The following NNMT variants were observed in gnomAD, a reference collection of about 807,000 sequenced individuals.
NNMT encodes nicotinamide N-methyltransferase.
NNMT carries 10 observed loss-of-function variants against 11.7 expected under a neutral mutation model. The ratio of observed to expected loss-of-function variants is 0.85; its 90% CI spans 0.53 to 1.45. NNMT has a LOEUF of 1.45. Among genes scored for constraint, NNMT ranks in the 40% most tolerant of loss-of-function variants. The probability of loss-of-function intolerance (pLI) is 0.00; values close to 1 mark genes in which losing one functional copy is unlikely to be tolerated. For synonymous variants in NNMT, 143 were observed against 133.8 expected, an observed-to-expected ratio of 1.07 and a Z score of -0.48; for missense variants, 381 against 319.4, an observed-to-expected ratio of 1.19 and a Z score of -1.47.
At chr11:114,303,854 G>A (rs1218163514) in intron 2 of NNMT, among the ~76,000 whole-genome samples, 2 of 152,210 alleles carry the variant, frequency 1.3e-5, no homozygotes, top group Admixed American at 1.3e-4. Flanking sequence ...GGGACTACAG[G>A]TCCACACTGC....
At chr11:114,266,948 A>G (rs1945125039) in intron 2 of NNMT, among the ~76,000 whole-genome samples, 1 of 152,236 alleles carries the variant, frequency 6.6e-6, no homozygotes, top group Non-Finnish European at 1.5e-5. Flanking sequence ...AAGAGAAAAT[A>G]GACTGAGAAA....
intron 2 of NNMT, among the ~76,000 whole-genome samples, chr11:114,302,400 C>T (rs2135276569): frequency 6.6e-6 from 1 of 152,236 alleles, no homozygotes; most frequent in Admixed American, 6.5e-5. Context: ...GCATCCTTGA[C>T]ATATCTATTG....
At chr11:114,283,358 A>C (rs1272344894) in intron 2 of NNMT, among the ~76,000 whole-genome samples, 2 of 152,222 alleles carry the variant, frequency 1.3e-5, no homozygotes, top group Non-Finnish European at 2.9e-5. Context: ...ATACACACGT[A>C]ATGTGATAGG....
At chr11:114,307,393 G>C (rs1434047062) in intron 2 of NNMT, among the ~76,000 whole-genome samples, 2 of 152,022 alleles carry the variant, frequency 1.3e-5, no homozygotes, top group East Asian at 3.9e-4. Context: ...TTAACATCAA[G>C]CTCTGTCCAT....
rs145053757 is a variant in NNMT at position 114,275,811 on chromosome 11, T to C, written c.-130+12877T>C. On this transcript the variant is annotated intron_variant, in intron 2 of 4. Transcript: ENST00000535401. Reference sequence around the variant, plus strand: ...TCTGATATCCTGTGAGTTGTGTATATGTTAGGGGTAGGGTTACAGTTAAGA... The same window carrying C: ...TCTGATATCCTGTGAGTTGTGTATACGTTAGGGGTAGGGTTACAGTTAAGA... Among the ~76,000 whole-genome samples the C allele has an allele frequency of 3.5e-3, 540 of 152,202 alleles. 7 individuals are homozygous for C. The highest frequency in any genetic ancestry group is 0.012 in the African/African-American group (480 of 41,536).
chr11:114,259,610 C>T (rs1224726780), intron 1 of NNMT, among the ~76,000 whole-genome samples: 1 of 152,156 alleles, frequency 6.6e-6, no homozygotes, highest in East Asian at 1.9e-4. Context: ...CCAGCCCCGC[C>T]GCCATCCCCA....
intron 2 of NNMT, among the ~76,000 whole-genome samples, chr11:114,304,007 T>C (rs1273291193): frequency 1.3e-5 from 2 of 152,240 alleles, no homozygotes; most frequent in Non-Finnish European, 2.9e-5. Context: ...GGGGCTATAT[T>C]CTTCAATATA....
Position 114,312,562 on chromosome 11 carries a change from G to A in NNMT, c.*85G>A. On this transcript the variant is annotated 3_prime_UTR_variant, in exon 3 of 3. Coordinates refer to ENST00000299964, the MANE Select transcript of NNMT (RefSeq NM_006169.3). ...TTCTAACTGCCAAGTCATGTGCTGA[G>A]TAGAGGCTCAGTGGTTGGGGCCCAA... 7.3e-7 allele frequency: 1 copy of A among 1,371,144 alleles called. No individual in the cohort carries two copies. Among genetic ancestry groups the A allele is most frequent in the African/African-American group, 1.4e-5 (1 of 70,128 alleles). The allele number at this position is 1,371,144 out of a possible 1,614,324, so 84.9% of individuals were successfully genotyped here. A position where few individuals can be genotyped will look rare whatever the true frequency, so the allele number is the denominator to read the frequency against.
At chr11:114,295,517 C>T (rs1336262217), upstream of NNMT, among the ~76,000 whole-genome samples, 4 of 150,886 alleles carry the variant, frequency 2.7e-5, no homozygotes, top group Admixed American at 6.6e-5. Context: ...CTCCGCCCCC[C>T]GGGTTCATGC....
intron 2 of NNMT, among the ~76,000 whole-genome samples, chr11:114,311,812 T>A (rs920854121): frequency 6.6e-6 from 1 of 152,204 alleles, no homozygotes; most frequent in Non-Finnish European, 1.5e-5. Context: ...TAGGTATTAT[T>A]ATCGTTTTCA....
chr11:114,299,533 A>G (rs1290913256), intron 2 of NNMT, among the ~76,000 whole-genome samples: 2 of 152,232 alleles, frequency 1.3e-5, no homozygotes, highest in Non-Finnish European at 2.9e-5. Flanking sequence ...CTGGAGTCAT[A>G]AAATGAGTTG....
chr11:114,261,086 T>C (rs530246195), intron 1 of NNMT, among the ~76,000 whole-genome samples: 1 of 152,296 alleles, frequency 6.6e-6, no homozygotes, highest in South Asian at 2.1e-4. Context: ...CTCTGGCTGG[T>C]CTGGAAGGGG....
intron 2 of NNMT, among the ~76,000 whole-genome samples, chr11:114,288,981 G>A (rs1268931080): frequency 2.6e-5 from 4 of 152,106 alleles, no homozygotes; most frequent in African/African-American, 9.7e-5. Flanking sequence ...TATTCTCTGA[G>A]TTTGTGTAAG....
intron 2 of NNMT, among the ~76,000 whole-genome samples, chr11:114,284,942 G>A (rs1945287367): frequency 6.6e-6 from 1 of 151,696 alleles, no homozygotes; most frequent in African/African-American, 2.4e-5. Context: ...GCTAATTTTT[G>A]TATTTTCAGT....
rs148805764 is a variant in NNMT at position 114,312,231 on chromosome 11, C to T, written c.549C>T (p.Leu183=). 2.6e-5 allele frequency: 42 copies of T among 1,614,094 alleles called. No individual in the cohort carries two copies. The highest frequency in any genetic ancestry group is 3.4e-5 in the Non-Finnish European group (40 of 1,180,034). The change falls in exon 3 of 3, where the codon CTC becomes CTT. Residue 183 remains leucine, a synonymous_variant. Coordinates refer to ENST00000299964, the MANE Select transcript of NNMT (RefSeq NM_006169.3). ...LPTYCRALRN[L]GSLLKPGGFL... Reference sequence around the variant, plus strand: ...CCTACTGCAGGGCGCTCAGGAACCTCGGCAGCCTACTGAAGCCAGGGGGCT... The same window carrying T: ...CCTACTGCAGGGCGCTCAGGAACCTTGGCAGCCTACTGAAGCCAGGGGGCT...
chr11:114,297,832 C>T, intron 1 of NNMT, 119 bp from the exon 2 acceptor site: 1 of 821,056 alleles, frequency 1.2e-6, no homozygotes, highest in Admixed American at 2.1e-5. Flanking sequence ...AAGTTGTGAA[C>T]AGTAGTGGTC....
At chr11:114,277,977 T>A (rs1051885439) in intron 2 of NNMT, among the ~76,000 whole-genome samples, 3 of 152,198 alleles carry the variant, frequency 2.0e-5, no homozygotes, top group African/African-American at 7.2e-5. Flanking sequence ...CTGACATCGG[T>A]AGTTTTTACC....
intron 2 of NNMT, among the ~76,000 whole-genome samples, chr11:114,265,252 G>A (rs1013143556): frequency 2.0e-5 from 3 of 152,172 alleles, no homozygotes; most frequent in African/African-American, 7.2e-5. Flanking sequence ...AGACAGGGAC[G>A]AAGACCAAAT....
chr11:114,310,671 T>C (rs975477822), intron 2 of NNMT, among the ~76,000 whole-genome samples: 4 of 152,104 alleles, frequency 2.6e-5, no homozygotes, highest in African/African-American at 9.7e-5. Flanking sequence ...GATGGTAGAG[T>C]GTGTGTTTCC....
Sources: allele counts gnomAD v4.1 joint callset (sites outside exome capture counted in the v4.1 genomes callset), GRCh38; gene constraint gnomAD v4.1.1; transcripts MANE v1.5; gene names NCBI Gene and HGNC (gene_info 2026-07-23, HGNC 2026-07-21).